The following DNAH9 variants were observed in gnomAD, a reference collection of about 807,000 sequenced individuals.
The protein encoded by DNAH9 is DNAH9 variant protein.
In DNAH9, 345 loss-of-function variants were observed where a neutral mutation model predicts 471.6. That is an observed-to-expected ratio of 0.73 (90% confidence interval 0.67 to 0.80). The LOEUF is 0.80. Ranked by LOEUF, DNAH9 falls within the 30% of genes least tolerant of loss-of-function variation. DNAH9 has a pLI of 0.00. For synonymous variants in DNAH9, 2,093 were observed against 2,123.6 expected, an observed-to-expected ratio of 0.99 and a Z score of 0.40; for missense variants, 5,407 against 5,609.2, an observed-to-expected ratio of 0.96 and a Z score of 1.15.
intron 45 of DNAH9, among the ~76,000 whole-genome samples, chr17:11,817,402 T>A (rs965576830): frequency 6.6e-6 from 1 of 152,184 alleles, no homozygotes; most frequent in Non-Finnish European, 1.5e-5. Flanking sequence ...GTGGCCCAGG[T>A]GCTTTCAACG....
chr17:11,933,879 G>A lies in DNAH9; in HGVS notation c.12298-1G>A. 6.2e-7 allele frequency: 1 copy of A among 1,609,904 alleles called. No individual in the cohort carries two copies. The highest frequency in any genetic ancestry group is 2.2e-5 in the East Asian group (1 of 44,724). On this transcript the variant is annotated splice_acceptor_variant, in intron 64 of 68. Coordinates refer to ENST00000262442, the MANE Select transcript of DNAH9 (RefSeq NM_001372.4). LOFTEE classifies it high-confidence loss of function. ...CTCTCTTTCTTTCCCCCATCACTCAGGTCCCCTATGATGATTTGCGCTACC... is the reference window on the plus strand; with the variant it reads ...CTCTCTTTCTTTCCCCCATCACTCAAGTCCCCTATGATGATTTGCGCTACC...
Position 11,932,088 on chromosome 17 carries a change from G to T in DNAH9, c.12180G>T (p.Val4060=), listed in dbSNP as rs758970300. 1.9e-6 allele frequency: 3 copies of T among 1,614,090 alleles called. No individual in the cohort carries two copies. The East Asian group carries it at 6.7e-5, about 36-fold the overall frequency. Residue 4060 remains valine, a synonymous_variant, in exon 64 of 69, where the codon GTG becomes GTT. Coordinates refer to ENST00000262442, the MANE Select transcript of DNAH9 (RefSeq NM_001372.4). The surrounding 1 kb of genome is among the most constrained non-coding windows in gnomAD (Gnocchi z 4.3). ...ILFALCYFHA[V]VAERRKFGPQ... is the part of the protein sequence containing the mutation. ...TTGCTCTTTGTTACTTCCATGCGGT[G>T]GTGGCAGAAAGACGAAAATTTGGGC...
rs748926454 is a variant in DNAH9 at position 11,781,140 on chromosome 17, AC to A, written c.7686del (p.Ile2563SerfsTer19). ...TGCCTACGGGACGGTGCAGCCCCAC[AC>A]CATCATCCGGCAGCATCTGGACTAT... The part of the protein sequence containing the change: ...VDAYGTVQPH[T>X]IIRQHLDYGH... On this transcript the variant is annotated frameshift_variant, in exon 39 of 69. Coordinates refer to ENST00000262442, the MANE Select transcript of DNAH9 (RefSeq NM_001372.4). LOFTEE classifies it high-confidence loss of function. 1 of 1,614,142 alleles carries A rather than the reference AC, an allele frequency of 6.2e-7. No homozygotes were observed. Among genetic ancestry groups the A allele is most frequent in the South Asian group, 1.1e-5 (1 of 91,076 alleles).
chr17:11,960,171 C>A (rs1975959165), intron 67 of DNAH9, among the ~76,000 whole-genome samples: 1 of 152,162 alleles, frequency 6.6e-6, no homozygotes, highest in African/African-American at 2.4e-5. Context: ...TGCAGTGGCT[C>A]ACGCCTGTAA....
chr17:11,691,752 A>G (rs185208736), intron 20 of DNAH9, among the ~76,000 whole-genome samples: 16 of 152,272 alleles, frequency 1.1e-4, no homozygotes, highest in African/African-American at 3.9e-4. Flanking sequence ...ATTGGAGCAA[A>G]ATATCCCATT....
At position 11,598,825 on chromosome 17, in the gene DNAH9, G is replaced by A. The variant is rs2072319220; in HGVS notation, c.327G>A (p.Glu109=). Residue 109 remains glutamate (E), a synonymous_variant, in exon 1 of 69, where the codon GAG becomes GAA. Coordinates refer to ENST00000262442, the MANE Select transcript of DNAH9 (RefSeq NM_001372.4). ...TTTTTTTCCTTCGCACCGGGCCCGA[G>A]CCTCCAGGGCCCGACAGCTTCCGCG... ...KALFFLRTGP[E]PPGPDSFRGA... The A allele has an allele frequency of 1.3e-6, 2 of 1,497,728 alleles. No homozygotes were observed. The highest frequency in any genetic ancestry group is 1.8e-6 in the Non-Finnish European group (2 of 1,127,874). 92.8% of individuals were successfully genotyped at this position (1,497,728 alleles called of 1,614,324 possible). A position where few individuals can be genotyped will look rare whatever the true frequency, so the allele number is the denominator to read the frequency against.
chr17:11,676,637 A>G (rs1177692082), intron 17 of DNAH9, among the ~76,000 whole-genome samples: 1 of 152,098 alleles, frequency 6.6e-6, no homozygotes, highest in Non-Finnish European at 1.5e-5. Flanking sequence ...CCGGACACAA[A>G]AAAACTATCT....
intron 12 of DNAH9, among the ~76,000 whole-genome samples, chr17:11,647,818 G>A (rs536712758): frequency 2.0e-5 from 3 of 152,300 alleles, no homozygotes; most frequent in South Asian, 4.1e-4. Context: ...TAGATTAGTG[G>A]TTCTCAACTG....
In DNAH9 at chr17:11,957,618, AAAC is replaced by A. The variant is rs71142259; in HGVS notation, c.12844-4234_12844-4232del. ...CCAGAAATACCAGTGGATGCAGACA[AAAC>A]AACAACAACAACAAAACTGTTCTCT... On this transcript the variant is annotated intron_variant, in intron 67 of 68. Transcript: ENST00000262442. Among the ~76,000 whole-genome samples, 68 of 150,364 alleles carry A rather than the reference AAAC, an allele frequency of 4.5e-4. 1 individual carries two copies. Among genetic ancestry groups the A allele is most frequent in the Admixed American group, 2.3e-3 (34 of 15,088 alleles).
chr17:11,614,702 C>G (rs543960143), intron 4 of DNAH9, among the ~76,000 whole-genome samples: 31 of 152,322 alleles, frequency 2.0e-4, no homozygotes, highest in African/African-American at 7.5e-4. Context: ...GGCCTGGCCT[C>G]TGCTTCCAAG....
rs148867950 is a variant in DNAH9, at chr17:11,755,491, T to C, written c.6739-1077T>C. Among the ~76,000 whole-genome samples, 682 of 152,326 alleles carry C rather than the reference T, an allele frequency of 4.5e-3. 2 individuals carry two copies. The highest frequency in any genetic ancestry group is 9.1e-3 in the South Asian group (44 of 4,820). On this transcript the variant is annotated intron_variant, in intron 33 of 68. Coordinates refer to ENST00000262442, the MANE Select transcript of DNAH9 (RefSeq NM_001372.4). ...TTCCATTTGTTCGTGTAATCTCTGA[T>C]TTATTTAAGCAGGGTTTTGTAATTC...
In DNAH9 at chr17:11,964,786, A is replaced by C. The variant is rs140029429; in HGVS notation, c.13233+2530A>C. ...AACCAACAGACCACAATCACAGTGA[A>C]ACCAGTAGCCTGGAAACCACTGGAA... On this transcript the variant is annotated intron_variant, in intron 68 of 68. Transcript: ENST00000262442. 5.4e-3 allele frequency among the ~76,000 whole-genome samples: 817 copies of C among 152,268 alleles called. 4 individuals are homozygous for C. The highest frequency in any genetic ancestry group is 8.7e-3 in the Non-Finnish European group (589 of 68,026).
intron 68 of DNAH9, among the ~76,000 whole-genome samples, chr17:11,969,092 C>T (rs1976983785): frequency 5.9e-5 from 9 of 152,164 alleles, no homozygotes; most frequent in Admixed American, 5.9e-4. Flanking sequence ...CTCTGCTTCA[C>T]CTGATTTAGG....
chr17:11,693,368 A>G (rs1245231523), intron 20 of DNAH9, among the ~76,000 whole-genome samples: 2 of 146,230 alleles, frequency 1.4e-5, no homozygotes, highest in African/African-American at 5.1e-5. Context: ...GTCATGCCTC[A>G]GCCTCCCGAG....
At chr17:11,746,632 C>T (rs1044206215) in intron 31 of DNAH9, among the ~76,000 whole-genome samples, 6 of 152,028 alleles carry the variant, frequency 3.9e-5, no homozygotes, top group Non-Finnish European at 7.4e-5. Flanking sequence ...CATGGGGATT[C>T]GAGATGAGAT....
At chr17:11,801,899 AAAT>A (rs1434793996) in intron 43 of DNAH9, among the ~76,000 whole-genome samples, 1 of 152,180 alleles carries the variant, frequency 6.6e-6, no homozygotes, top group Admixed American at 6.5e-5. Flanking sequence ...TAGAAAAAAA[AAAT>A]AATAAGTACT....
Position 11,881,383 on chromosome 17 carries a change from C to T in DNAH9, c.10776C>T (p.Ser3592=). Reference sequence around the variant, plus strand: ...ACCAGTTGCTGGCCGCTGTGGTCAGCATGGAGAGGCCAGACTTGGAGCAGC... The same window carrying T: ...ACCAGTTGCTGGCCGCTGTGGTCAGTATGGAGAGGCCAGACTTGGAGCAGC... ...LEDQLLAAVV[S]MERPDLEQLK... The change falls in exon 55 of 69, where the codon AGC becomes AGT. Residue 3592 remains serine (S), a synonymous_variant. Coordinates refer to ENST00000262442, the MANE Select transcript of DNAH9 (RefSeq NM_001372.4). 1 of 1,613,580 alleles carries T rather than the reference C, an allele frequency of 6.2e-7. No individual in the cohort carries two copies. The highest frequency in any genetic ancestry group is 8.5e-7 in the Non-Finnish European group (1 of 1,179,936).
At position 11,923,395 on chromosome 17, in the gene DNAH9, T is replaced by C. The variant is rs976154502; in HGVS notation, c.11750-419T>C. Among the ~76,000 whole-genome samples the C allele has an allele frequency of 2.6e-5, 4 of 151,420 alleles. No homozygotes were observed. The East Asian group carries it at 7.8e-4, about 29-fold the overall frequency. On this transcript the variant is annotated intron_variant, in intron 61 of 68. Coordinates refer to ENST00000262442, the MANE Select transcript of DNAH9 (RefSeq NM_001372.4). Reference sequence around the variant, plus strand: ...GGCGCAATCTCGGCTCATTGCAAGGTCCGCCTCCTGGGTTCACGCCATTCT... The same window carrying C: ...GGCGCAATCTCGGCTCATTGCAAGGCCCGCCTCCTGGGTTCACGCCATTCT...
chr17:11,742,772 C>T (rs1006123702), intron 30 of DNAH9, among the ~76,000 whole-genome samples: 1 of 152,214 alleles, frequency 6.6e-6, no homozygotes, highest in Non-Finnish European at 1.5e-5. Flanking sequence ...CAAAACATTA[C>T]CTGCAAGGTT....
Sources: allele counts gnomAD v4.1 joint callset (sites outside exome capture counted in the v4.1 genomes callset), GRCh38; gene constraint gnomAD v4.1.1; non-coding constraint Gnocchi (gnomAD v3.1); transcripts MANE v1.5; gene names NCBI Gene and HGNC (gene_info 2026-07-23, HGNC 2026-07-21).